Variants in ACOX3 observed in about 807,000 individuals in gnomAD.
ACOX3 encodes acyl-CoA oxidase 3, pristanoyl, also known as peroxisomal acyl-coenzyme A oxidase 3.
A neutral mutation model predicts 81.5 loss-of-function variants in ACOX3; 73 were observed. That is an observed-to-expected ratio of 0.90 (90% CI 0.74 to 1.09). The LOEUF (loss-of-function observed/expected upper bound fraction) is 1.09, where lower values mean the gene tolerates loss of function less well. Ranked by LOEUF, ACOX3 falls within the 50% of genes least tolerant of loss-of-function variation. The probability of loss-of-function intolerance (pLI) is 0.00; values close to 1 mark genes in which losing one functional copy is unlikely to be tolerated. For missense variants in ACOX3, 947 were observed against 928.0 expected (o/e 1.02, Z -0.27); for synonymous variants, 387 against 375.1 (o/e 1.03, Z -0.37).
rs184439037 is a variant in ACOX3 at position 8,371,428 on chromosome 4, T to A, written c.1897-434A>T. Among the ~76,000 whole-genome samples, 91 of 152,328 alleles carry A rather than the reference T, an allele frequency of 6.0e-4. 1 individual carries two copies. Among genetic ancestry groups the A allele is most frequent in the South Asian group, 1.7e-3 (8 of 4,826 alleles). The stretch of plus-strand genomic sequence containing the variant: ...AAAGCCATAAGCATATGAAGCCTCC[T>A]CGGTTGGCGGTGGTTTTATTACTCT... On this transcript the variant is annotated intron_variant, in intron 16 of 17. Transcript: ENST00000356406.
rs1722327838 is a variant in ACOX3, at chr4:8,416,312, C to A, written c.144+66G>T. ...GAGGAGCTGTGAGAGCCAGAAATCC[C>A]ATTCTGCTAACGAACTAAGACCCCA... is the stretch of plus-strand genomic sequence containing the variant. On this transcript the variant is annotated intron_variant, in intron 2 of 17. Coordinates refer to ENST00000356406, the MANE Select transcript of ACOX3 (RefSeq NM_003501.3). This position sits in a 1 kb window ranked among gnomAD's most constrained non-coding sequence, Gnocchi z 4.2. 1 of 1,611,884 alleles carries A rather than the reference C, an allele frequency of 6.2e-7. No homozygotes were observed. The highest frequency in any genetic ancestry group is 8.5e-7 in the Non-Finnish European group (1 of 1,179,604).
At chr4:8,363,360 A>G (rs115075472), downstream of ACOX3, among the ~76,000 whole-genome samples, 1,241 of 152,316 alleles carry the variant, frequency 8.1e-3, 21 homozygotes, top group African/African-American at 0.028. Flanking sequence ...ACACTTAATA[A>G]TCTTTCATAT....
Position 8,377,009 on chromosome 4 carries a change from C to A in ACOX3, c.1654-1857G>T, listed in dbSNP as rs557003226. Among the ~76,000 whole-genome samples the A allele has an allele frequency of 2.4e-4, 37 of 152,110 alleles. No individual in the cohort carries two copies. The East Asian group carries it at 6.9e-3, about 28-fold the overall frequency. On this transcript the variant is annotated intron_variant, in intron 14 of 17. Coordinates refer to ENST00000356406, the MANE Select transcript of ACOX3 (RefSeq NM_003501.3). ...GGTGCTGCAGCTCCAGGCCTCAGCC[C>A]TTCCTCCTTCCACCTTCCATGAAAC...
In ACOX3 at chr4:8,419,152, T is replaced by C. The variant is rs191762109; in HGVS notation, c.-14-2617A>G. Among the ~76,000 whole-genome samples, 19 of 151,816 alleles carry C rather than the reference T, an allele frequency of 1.3e-4. No homozygotes were observed. Among genetic ancestry groups the C allele is most frequent in the African/African-American group, 4.6e-4 (19 of 41,398 alleles). On this transcript the variant is annotated intron_variant, in intron 1 of 17. Coordinates refer to ENST00000356406, the MANE Select transcript of ACOX3 (RefSeq NM_003501.3). The surrounding 1 kb of genome is among the most constrained non-coding windows in gnomAD (Gnocchi z 4.2). ...CTTATCTCTTAAAGAACCAGATAAATAGGCCAGGCGCAGTGGCTCATGCCT... is the reference window on the plus strand; with the variant it reads ...CTTATCTCTTAAAGAACCAGATAAACAGGCCAGGCGCAGTGGCTCATGCCT...
rs544842259 is a variant in ACOX3, at chr4:8,407,257, T to C, written c.688-1214A>G. 1.3e-5 allele frequency among the ~76,000 whole-genome samples: 2 copies of C among 152,344 alleles called. No individual in the cohort carries two copies. Among genetic ancestry groups the C allele is most frequent in the African/African-American group, 4.8e-5 (2 of 41,572 alleles). ...ATTATAATATTGGGATAAAGAGTAA[T>C]TGCTACAAACTAATGATTATTGATA... On this transcript the variant is annotated intron_variant, in intron 6 of 17. Coordinates refer to ENST00000356406, the MANE Select transcript of ACOX3 (RefSeq NM_003501.3). The surrounding 1 kb of genome is among the most constrained non-coding windows in gnomAD (Gnocchi z 4.6).
At chr4:8,362,701 G>A (rs1437458062), downstream of ACOX3, among the ~76,000 whole-genome samples, 1 of 152,224 alleles carries the variant, frequency 6.6e-6, no homozygotes, top group East Asian at 1.9e-4. Context: ...AATGAAGAAT[G>A]TCACTTTCTG....
chr4:8,362,546 T>G (rs1454916307), downstream of ACOX3, among the ~76,000 whole-genome samples: 1 of 152,246 alleles, frequency 6.6e-6, no homozygotes, highest in Admixed American at 6.5e-5. Flanking sequence ...TTGGAAAAAC[T>G]GGTTATTTTA....
At position 8,370,042 on chromosome 4, in the gene ACOX3, G is replaced by A. The variant is rs986678677; in HGVS notation, c.1983+866C>T. On this transcript the variant is annotated intron_variant, in intron 17 of 17. Transcript: ENST00000356406. The surrounding 1 kb of genome is among the most constrained non-coding windows in gnomAD (Gnocchi z 6.3). ...GGGAGGGAGACACAAGGTCAGTGAT[G>A]AGGCCAGCAAGGGCAGCACTACAGT... 6.6e-6 allele frequency among the ~76,000 whole-genome samples: 1 copy of A among 152,234 alleles called. No homozygotes were observed. Among genetic ancestry groups the A allele is most frequent in the Non-Finnish European group, 1.5e-5 (1 of 68,046 alleles).
At chr4:8,425,727 G>A (rs769845272) in intron 1 of ACOX3, among the ~76,000 whole-genome samples, 6 of 151,236 alleles carry the variant, frequency 4.0e-5, no homozygotes, top group Non-Finnish European at 7.4e-5. Flanking sequence ...CTGGTTGGGA[G>A]GAGGCCTTTC....
chr4:8,398,407 G>A (rs140591156), intron 8 of ACOX3, among the ~76,000 whole-genome samples: 1 of 152,118 alleles, frequency 6.6e-6, no homozygotes, highest in Non-Finnish European at 1.5e-5. Context: ...TCCTCCAAGA[G>A]TCCCTTCAAC....
At chr4:8,360,086 T>C in the ACOX3 span, among the ~76,000 whole-genome samples, 1 of 152,220 alleles carries the variant, frequency 6.6e-6, no homozygotes, top group African/African-American at 2.4e-5. Context: ...CCTTCTTGTC[T>C]TCTATGTTCT....
chr4:8,379,068 G>T (rs1373491566), intron 14 of ACOX3, among the ~76,000 whole-genome samples: 1 of 152,216 alleles, frequency 6.6e-6, no homozygotes, highest in Non-Finnish European at 1.5e-5. Flanking sequence ...GGTGTTCTCC[G>T]TCGGCGACAT....
At chr4:8,377,283 T>C (rs1043083312) in intron 14 of ACOX3, among the ~76,000 whole-genome samples, 4 of 152,214 alleles carry the variant, frequency 2.6e-5, no homozygotes, top group Non-Finnish European at 4.4e-5. Flanking sequence ...GCCTGCACAG[T>C]TGCTGTGTTA....
At chr4:8,369,755 C>T (rs1159157720) in intron 17 of ACOX3, among the ~76,000 whole-genome samples, 1 of 152,222 alleles carries the variant, frequency 6.6e-6, no homozygotes, top group Admixed American at 6.5e-5. Context: ...GGGTCCTGCC[C>T]ACTAAGGCTC....
At chr4:8,372,842 C>T (rs770350560) in intron 16 of ACOX3, among the ~76,000 whole-genome samples, 11 of 152,200 alleles carry the variant, frequency 7.2e-5, no homozygotes, top group Non-Finnish European at 1.2e-4. Context: ...GACGTCTCCA[C>T]GGACACAGTG....
At position 8,437,574 on chromosome 4, in the gene ACOX3, T is replaced by C. The variant is rs180692246; in HGVS notation, c.-15+3074A>G. ...AGACTTAAGGAAAAAGGCCAATCTG[T>C]TAGCAACAGCTCTTATAAAAAGAGA... On this transcript the variant is annotated intron_variant, in intron 1 of 17. Coordinates refer to ENST00000356406, the MANE Select transcript of ACOX3 (RefSeq NM_003501.3). The surrounding 1 kb of genome is among the most constrained non-coding windows in gnomAD (Gnocchi z 5.2). Among the ~76,000 whole-genome samples, 1 of 152,336 alleles carries C rather than the reference T, an allele frequency of 6.6e-6. No individual in the cohort carries two copies. The highest frequency in any genetic ancestry group is 2.4e-5 in the African/African-American group (1 of 41,572).
rs1171099846 is a variant in ACOX3 at position 8,407,523 on chromosome 4, G to C, written c.688-1480C>G. Among the ~76,000 whole-genome samples the C allele has an allele frequency of 6.6e-6, 1 of 152,214 alleles. No individual in the cohort carries two copies. The highest frequency in any genetic ancestry group is 1.9e-4 in the East Asian group (1 of 5,186). Reference sequence around the variant, plus strand: ...TTCAGACCCCGGCCTCCAGAGTTGGGAGAATACGTTATGCTGTTTCGAGCG... The same window carrying C: ...TTCAGACCCCGGCCTCCAGAGTTGGCAGAATACGTTATGCTGTTTCGAGCG... On this transcript the variant is annotated intron_variant, in intron 6 of 17. Transcript: ENST00000356406. The surrounding 1 kb of genome is among the most constrained non-coding windows in gnomAD (Gnocchi z 4.6).
chr4:8,417,817 A>C (rs538453778), intron 1 of ACOX3, among the ~76,000 whole-genome samples: 1 of 152,366 alleles, frequency 6.6e-6, no homozygotes, highest in African/African-American at 2.4e-5. Context: ...AGACTGGCCA[A>C]ATAAAAAGGA....
chr4:8,360,261 T>G, the ACOX3 span, among the ~76,000 whole-genome samples: 1 of 152,248 alleles, frequency 6.6e-6, no homozygotes, highest in Non-Finnish European at 1.5e-5. Flanking sequence ...AACTAATTGG[T>G]TTAAAAATAA....
Sources: allele counts gnomAD v4.1 joint callset (sites outside exome capture counted in the v4.1 genomes callset), GRCh38; gene constraint gnomAD v4.1.1; non-coding constraint Gnocchi (gnomAD v3.1); transcripts MANE v1.5; gene names NCBI Gene and HGNC (gene_info 2026-07-23, HGNC 2026-07-21).